Variants in TRIM51G observed in about 807,000 individuals in gnomAD.
The protein encoded by TRIM51G is tripartite motif-containing 51G, also known as tripartite motif-containing protein 51G.
chr11:48,978,266 G>T, the TRIM51G span: 1 of 472,434 alleles, frequency 2.1e-6, no homozygotes, highest in African/African-American at 2.0e-5. Context: ...TTCCTACAGT[G>T]TTCCCTCCTG....
chr11:48,976,859 A>G, the TRIM51G span, among the ~76,000 whole-genome samples: 2 of 151,992 alleles, frequency 1.3e-5, no homozygotes, highest in South Asian at 4.1e-4. Context: ...CCAATATATA[A>G]CTCTATACAT....
At chr11:48,978,127 T>C in the TRIM51G span, 2 of 521,860 alleles carry the variant, frequency 3.8e-6, no homozygotes, top group East Asian at 5.5e-5. Context: ...AAAATCTTGG[T>C]ATGTACTCAC....
chr11:48,981,774 T>C, the TRIM51G span: 3 of 1,434,336 alleles, frequency 2.1e-6, no homozygotes, highest in African/African-American at 1.4e-5. Context: ...CCATATGTGA[T>C]AGCTATATTT....
the TRIM51G span, chr11:48,980,965 T>C: frequency 3.3e-5 from 17 of 520,444 alleles, no homozygotes; most frequent in Non-Finnish European, 5.8e-5. Flanking sequence ...TCACACATTT[T>C]TCTCCATAAA....
chr11:48,981,495 G>A, the TRIM51G span: 62 of 1,606,408 alleles, frequency 3.9e-5, no homozygotes, highest in Non-Finnish European at 4.9e-5. Flanking sequence ...TCAAACAAAT[G>A]TTAGTTTTGA....
the TRIM51G span, among the ~76,000 whole-genome samples, chr11:48,982,625 C>T: frequency 2.4e-4 from 37 of 152,042 alleles, no homozygotes; most frequent in African/African-American, 8.2e-4. Context: ...GATTCTAACT[C>T]AGCCAGGATA....
At chr11:48,976,569 C>G in the TRIM51G span, among the ~76,000 whole-genome samples, 1 of 152,088 alleles carries the variant, frequency 6.6e-6, no homozygotes, top group Non-Finnish European at 1.5e-5. Flanking sequence ...TGTAACTAAA[C>G]TGAAATTATC....
At chr11:48,981,548 C>A in the TRIM51G span, 3 of 1,602,090 alleles carry the variant, frequency 1.9e-6, no homozygotes, top group South Asian at 1.1e-5. Flanking sequence ...GAGCACTGAG[C>A]AAGAACTGCC....
At chr11:48,978,729 T>A in the TRIM51G span, 1 of 573,114 alleles carries the variant, frequency 1.7e-6, no homozygotes, top group Non-Finnish European at 3.2e-6. Context: ...GGCTGTACCC[T>A]CCCAACCAAG....
the TRIM51G span, chr11:48,981,022 G>T: frequency 1.5e-3 from 941 of 626,190 alleles, 5 homozygotes; most frequent in Non-Finnish European, 2.3e-3. Flanking sequence ...GCCATGAATT[G>T]AAGCACAAGT....
chr11:48,981,146 A>C, the TRIM51G span: 8 of 1,341,884 alleles, frequency 6.0e-6, no homozygotes, highest in Non-Finnish European at 8.2e-6. Context: ...GTCAAATCTG[A>C]GAGGTGTGAA....
chr11:48,979,023 C>T, the TRIM51G span: 86 of 1,155,702 alleles, frequency 7.4e-5, no homozygotes, highest in East Asian at 4.7e-5. Flanking sequence ...CTCCAAGTGA[C>T]GTTGCTCTTC....
the TRIM51G span, chr11:48,976,017 A>G: frequency 7.4e-6 from 4 of 541,342 alleles, no homozygotes; most frequent in African/African-American, 1.9e-5. Context: ...TAATTTTAAA[A>G]AAGTATAGAT....
chr11:48,979,598 A>T, the TRIM51G span, among the ~76,000 whole-genome samples: 1 of 152,080 alleles, frequency 6.6e-6, no homozygotes, highest in South Asian at 2.1e-4. Context: ...CTACATGGAC[A>T]TCTTTGTGGT....
chr11:48,983,631 T>A, the TRIM51G span, among the ~76,000 whole-genome samples: 14 of 151,474 alleles, frequency 9.2e-5, no homozygotes, highest in Non-Finnish European at 8.8e-5. Flanking sequence ...TAATATGAGT[T>A]ACAAATAAGA....
the TRIM51G span, among the ~76,000 whole-genome samples, chr11:48,977,453 T>A: frequency 6.6e-6 from 1 of 152,146 alleles, no homozygotes; most frequent in African/African-American, 2.4e-5. Flanking sequence ...TGGGAGAATA[T>A]TCAAAAATGA....
At chr11:48,982,661 A>T in the TRIM51G span, among the ~76,000 whole-genome samples, 2 of 151,868 alleles carry the variant, frequency 1.3e-5, no homozygotes, top group East Asian at 3.9e-4. Context: ...CACTAGCTTA[A>T]TGACAGCCTG....
the TRIM51G span, among the ~76,000 whole-genome samples, chr11:48,979,815 A>ATAAT: frequency 6.8e-6 from 1 of 146,636 alleles, no homozygotes; most frequent in African/African-American, 2.5e-5. Flanking sequence ...ATATATATAT[A>ATAAT]ATATATATAC....
At chr11:48,980,988 C>G in the TRIM51G span, 1 of 555,478 alleles carries the variant, frequency 1.8e-6, no homozygotes, top group Non-Finnish European at 3.5e-6. Flanking sequence ...CTGCATTTTT[C>G]TTAGGAGCTC....
Sources: gnomAD v4.1 joint callset for allele counts (sites outside exome capture counted in the v4.1 genomes callset) on GRCh38, gnomAD v4.1.1 for gene constraint, MANE v1.5 for transcripts, NCBI Gene and HGNC (gene_info 2026-07-23, HGNC 2026-07-21) for gene names.